Variants in DIP2C observed in about 807,000 individuals in gnomAD.
DIP2C encodes disco-interacting protein 2 homolog C.
DIP2C carries 33 observed loss-of-function variants against 192.4 expected under a neutral mutation model. The observed-to-expected ratio is 0.17, with a 90% CI of 0.13 to 0.23. The LOEUF (loss-of-function observed/expected upper bound fraction) is 0.23, where lower values mean the gene tolerates loss of function less well. DIP2C is among the 10% of genes least tolerant of loss of function. The probability of loss-of-function intolerance (pLI) is 1.00; values close to 1 mark genes in which losing one functional copy is unlikely to be tolerated. For synonymous variants in DIP2C, 979 were observed against 864.1 expected, an observed-to-expected ratio of 1.13 and a Z score of -2.33; for missense variants, 1,537 against 2,110.1, an observed-to-expected ratio of 0.73 and a Z score of 5.32.
intron 1 of DIP2C, chr10:665,949 C>G (rs149938586): frequency 6.6e-6 from 1 of 152,240 alleles, no homozygotes; most frequent in Non-Finnish European, 1.5e-5. Flanking sequence ...CTTTCCTCCC[C>G]CAACAGACGC....
chr10:479,597 G>A (rs1397849794), intron 2 of DIP2C, among the ~76,000 whole-genome samples: 8 of 152,210 alleles, frequency 5.3e-5, no homozygotes, highest in African/African-American at 1.7e-4. Context: ...GCCTCCCAAA[G>A]TGCTGGAATT....
intron 4 of DIP2C, among the ~76,000 whole-genome samples, chr10:434,942 G>T (rs12572083): frequency 0.014 from 2,129 of 152,228 alleles, 17 homozygotes; most frequent in East Asian, 0.042. Context: ...ATATGCCCAA[G>T]TATAGTTTAT....
chr10:595,358 C>G (rs1026633628), intron 1 of DIP2C, among the ~76,000 whole-genome samples: 1 of 152,106 alleles, frequency 6.6e-6, no homozygotes, highest in African/African-American at 2.4e-5. Flanking sequence ...CAAAAACAGC[C>G]AAATATTGGC....
rs541773727 is a variant in DIP2C, at chr10:307,735, G to A, written c.3986+2296C>T. Among the ~76,000 whole-genome samples, 36 of 152,382 alleles carry A rather than the reference G, an allele frequency of 2.4e-4. No individual in the cohort carries two copies. In the East Asian group the frequency reaches 6.4e-3, roughly 27 times the overall value. ...GCAGCCCCAGAAGCCGGGAGGGAAG[G>A]GCAGCGTGGTGTCCCACCCGAGGGC... On this transcript the variant is annotated intron_variant, in intron 32 of 36. Transcript: ENST00000280886.
At chr10:295,591 AAAAAAAAAAAAAAAAAAAAAAAAAAAAAG>A (rs1955714550) in intron 32 of DIP2C, among the ~76,000 whole-genome samples, 1 of 1,748 alleles carries the variant, frequency 5.7e-4, no homozygotes, top group African/African-American at 2.1e-3. Context: ...AAAAAAAAAA[AAAAAAAAAAAAAAAAAAAAAAAAAAAAAG>A]AAGGCTATTA....
chr10:523,011 CACAT>C (rs1846806936), intron 1 of DIP2C, among the ~76,000 whole-genome samples: 1 of 151,988 alleles, frequency 6.6e-6, no homozygotes, highest in African/African-American at 2.4e-5. Context: ...CTCTGTGTGA[CACAT>C]ACACTCATTT....
intron 1 of DIP2C, among the ~76,000 whole-genome samples, chr10:555,977 C>A (rs1848834445): frequency 6.6e-6 from 1 of 152,090 alleles, no homozygotes; most frequent in Non-Finnish European, 1.5e-5. Flanking sequence ...CTGACCCTGC[C>A]CCCAACACAC....
chr10:663,141 A>G, intron 1 of DIP2C: 2 of 497,212 alleles, frequency 4.0e-6, no homozygotes, highest in Non-Finnish European at 7.2e-6. Flanking sequence ...CTACCTCAGC[A>G]TGGGTGAGTT....
intron 32 of DIP2C, among the ~76,000 whole-genome samples, chr10:303,855 GTTATAAA>G (rs1270494738): frequency 6.6e-6 from 1 of 151,056 alleles, no homozygotes; most frequent in African/African-American, 2.4e-5. Flanking sequence ...TTTTTTTTTT[GTTATAAA>G]CTAATACACA....
At chr10:605,557 CTT>C (rs547589031) in intron 1 of DIP2C, among the ~76,000 whole-genome samples, 64 of 152,296 alleles carry the variant, frequency 4.2e-4, no homozygotes, top group Middle Eastern at 6.8e-3. Context: ...ATCTGTGAAA[CTT>C]TATTTTCCCC....
chr10:588,676 G>A (rs1463471976), intron 1 of DIP2C, among the ~76,000 whole-genome samples: 3 of 152,196 alleles, frequency 2.0e-5, no homozygotes, highest in Admixed American at 6.5e-5. Flanking sequence ...GCTGACAGTC[G>A]TGAGGCAGGC....
chr10:441,550 G>A (rs974211358), intron 3 of DIP2C, among the ~76,000 whole-genome samples: 8 of 152,040 alleles, frequency 5.3e-5, no homozygotes, highest in Non-Finnish European at 8.8e-5. Flanking sequence ...CATCTTTCCC[G>A]TGCTATTATC....
intron 3 of DIP2C, among the ~76,000 whole-genome samples, chr10:442,042 TCAAGA>T (rs1589804804): frequency 1.3e-5 from 2 of 150,454 alleles, no homozygotes; most frequent in Non-Finnish European, 3.0e-5. Flanking sequence ...ATAACAGGCT[TCAAGA>T]CAAGAATCTT....
intron 1 of DIP2C, among the ~76,000 whole-genome samples, chr10:520,862 A>C (rs1277416462): frequency 2.0e-5 from 3 of 152,196 alleles, no homozygotes; most frequent in Non-Finnish European, 4.4e-5. Flanking sequence ...GTTCATGGAT[A>C]TGTGTTTTTA....
Position 478,767 on chromosome 10 carries a change from G to C in DIP2C, c.158-6218C>G, listed in dbSNP as rs147001155. On this transcript the variant is annotated intron_variant, in intron 2 of 36. Coordinates refer to ENST00000280886, the MANE Select transcript of DIP2C (RefSeq NM_014974.3). ...AATTCCCGTCTTATTCTCACTCATC[G>C]CGTGTCCAGGCGTGCAGATACATCC... Among the ~76,000 whole-genome samples the C allele has an allele frequency of 3.8e-3, 575 of 151,622 alleles. 6 individuals carry two copies. Among genetic ancestry groups the C allele is most frequent in the African/African-American group, 0.013 (547 of 41,300 alleles).
At chr10:603,677 T>TAC (rs1554753144) in intron 1 of DIP2C, among the ~76,000 whole-genome samples, 1 of 152,220 alleles carries the variant, frequency 6.6e-6, no homozygotes, top group Non-Finnish European at 1.5e-5. Flanking sequence ...AAAAGGCTGA[T>TAC]ACAACAGGGT....
intron 1 of DIP2C, among the ~76,000 whole-genome samples, chr10:593,449 G>C (rs1053196813): frequency 2.0e-5 from 3 of 148,926 alleles, no homozygotes; most frequent in South Asian, 2.2e-4. Flanking sequence ...CCCCACACCC[G>C]GGTCTGTGCA....
At chr10:519,809 C>A (rs117468360) in intron 1 of DIP2C, among the ~76,000 whole-genome samples, 1 of 152,230 alleles carries the variant, frequency 6.6e-6, no homozygotes, top group East Asian at 1.9e-4. Flanking sequence ...ACAGCTGTGA[C>A]GTGGAGACAG....
At position 618,129 on chromosome 10, in the gene DIP2C, A is replaced by G. The variant is rs1028905872; in HGVS notation, c.85+71365T>C. On this transcript the variant is annotated intron_variant, in intron 1 of 36. Coordinates refer to ENST00000280886, the MANE Select transcript of DIP2C (RefSeq NM_014974.3). ...ATGCTAAAAACCCTCAAGTGAAACA[A>G]GTATCTTCAACAGTTTGATTCAATC... 2.0e-5 allele frequency among the ~76,000 whole-genome samples: 3 copies of G among 152,256 alleles called. No homozygotes were observed. In the East Asian group the frequency reaches 5.8e-4, roughly 29 times the overall value.
Sources: gnomAD v4.1 joint callset for allele counts (sites outside exome capture counted in the v4.1 genomes callset) on GRCh38, gnomAD v4.1.1 for gene constraint, MANE v1.5 for transcripts, NCBI Gene and HGNC (gene_info 2026-07-23, HGNC 2026-07-21) for gene names.